The following RBMS3 variants were observed in gnomAD, a reference collection of about 807,000 sequenced individuals.
The protein encoded by RBMS3 is RNA-binding motif, single-stranded-interacting protein 3.
A neutral mutation model predicts 66.8 loss-of-function variants in RBMS3; 27 were observed. That is an observed-to-expected ratio of 0.40 (90% CI 0.30 to 0.56). RBMS3 has a LOEUF of 0.56. RBMS3 is among the 20% of genes least tolerant of loss of function. The pLI is 0.40. For synonymous variants in RBMS3, 188 were observed against 183.0 expected, an observed-to-expected ratio of 1.03 and a Z score of -0.22; for missense variants, 513 against 549.5, an observed-to-expected ratio of 0.93 and a Z score of 0.66.
At chr3:29,383,175 G>A (rs1208496026) in intron 1 of RBMS3, among the ~76,000 whole-genome samples, 1 of 152,132 alleles carries the variant, frequency 6.6e-6, no homozygotes, top group African/African-American at 2.4e-5. Context: ...ATACTGGGAA[G>A]GTGATCTTTT....
chr3:29,802,132 C>G (rs1475287938), intron 6 of RBMS3, among the ~76,000 whole-genome samples: 1 of 152,186 alleles, frequency 6.6e-6, no homozygotes, highest in Non-Finnish European at 1.5e-5. Flanking sequence ...ACCTGTAACA[C>G]TCTTGCTCTA....
chr3:29,682,745 C>G (rs986053186), intron 4 of RBMS3, among the ~76,000 whole-genome samples: 1 of 152,130 alleles, frequency 6.6e-6, no homozygotes, highest in Admixed American at 6.5e-5. Context: ...ATTAAAACAG[C>G]TAATGTTTCT....
chr3:29,567,443 G>A (rs995015401), intron 3 of RBMS3, among the ~76,000 whole-genome samples: 1 of 152,094 alleles, frequency 6.6e-6, no homozygotes, highest in East Asian at 1.9e-4. Flanking sequence ...TGCTTGTGAT[G>A]GTTTCTGTGT....
intron 5 of RBMS3, among the ~76,000 whole-genome samples, chr3:29,754,616 A>C (rs1157381955): frequency 2.6e-5 from 4 of 152,180 alleles, no homozygotes; most frequent in African/African-American, 9.6e-5. Context: ...CTGAGTCACC[A>C]AAATGTCAAC....
intron 4 of RBMS3, among the ~76,000 whole-genome samples, chr3:29,590,031 A>C (rs539306330): frequency 1.3e-5 from 2 of 152,198 alleles, no homozygotes; most frequent in East Asian, 3.9e-4. Context: ...ATGAATTACC[A>C]TTAACGGAGA....
chr3:29,483,255 G>A (rs1049649865), intron 2 of RBMS3, among the ~76,000 whole-genome samples: 3 of 146,234 alleles, frequency 2.1e-5, no homozygotes, highest in Non-Finnish European at 4.5e-5. Flanking sequence ...CTTGCAGTGA[G>A]CCGAGATCGC....
intron 6 of RBMS3, among the ~76,000 whole-genome samples, chr3:29,841,818 T>A (rs1451035332): frequency 1.3e-5 from 2 of 152,070 alleles, no homozygotes; most frequent in African/African-American, 2.4e-5. Context: ...TTATAATAAT[T>A]CCTGAAATTG....
At chr3:29,375,323 A>G (rs982794885) in intron 1 of RBMS3, among the ~76,000 whole-genome samples, 1 of 152,190 alleles carries the variant, frequency 6.6e-6, no homozygotes, top group Non-Finnish European at 1.5e-5. Context: ...TGAAGACACC[A>G]AAAGCAATTG....
At chr3:29,391,105 G>A (rs1021214251) in intron 1 of RBMS3, 5 of 231,286 alleles carry the variant, frequency 2.2e-5, no homozygotes, top group South Asian at 1.0e-4. Context: ...ACTAGGAATC[G>A]ATAGTGGCAG....
At chr3:29,971,982 G>A (rs187407252) in intron 12 of RBMS3, among the ~76,000 whole-genome samples, 1 of 152,216 alleles carries the variant, frequency 6.6e-6, no homozygotes, top group African/African-American at 2.4e-5. Context: ...TTTTGGAATA[G>A]CCAAACATAA....
At chr3:29,675,388 A>G (rs541807676) in intron 4 of RBMS3, among the ~76,000 whole-genome samples, 1 of 152,280 alleles carries the variant, frequency 6.6e-6, no homozygotes, top group African/African-American at 2.4e-5. Context: ...TGTCTAAAAC[A>G]CCAAAAGCAA....
At chr3:29,886,624 TA>T (rs1267590987) in intron 8 of RBMS3, among the ~76,000 whole-genome samples, 2 of 151,892 alleles carry the variant, frequency 1.3e-5, no homozygotes, top group Non-Finnish European at 2.9e-5. Flanking sequence ...AGGAATTTTA[TA>T]AGTTTAAAAA....
At chr3:29,948,782 C>T (rs1695490239) in intron 12 of RBMS3, among the ~76,000 whole-genome samples, 1 of 151,600 alleles carries the variant, frequency 6.6e-6, no homozygotes, top group Non-Finnish European at 1.5e-5. Context: ...GTAATAAGTT[C>T]TTAGAGACTT....
intron 14 of RBMS3, among the ~76,000 whole-genome samples, chr3:29,992,416 C>T (rs1269594629): frequency 6.6e-6 from 1 of 151,984 alleles, no homozygotes; most frequent in African/African-American, 2.4e-5. Flanking sequence ...GAAACCCCGT[C>T]TCTACTAAAA....
intron 1 of RBMS3, among the ~76,000 whole-genome samples, chr3:29,357,411 G>C (rs2125571976): frequency 6.6e-6 from 1 of 152,246 alleles, no homozygotes; most frequent in African/African-American, 2.4e-5. Flanking sequence ...GTATTCCATG[G>C]TGTATATGTG....
At chr3:29,816,300 A>G (rs1026848908) in intron 6 of RBMS3, among the ~76,000 whole-genome samples, 1 of 89,294 alleles carries the variant, frequency 1.1e-5, no homozygotes. Context: ...AGACACACAC[A>G]GACACACACA....
intron 4 of RBMS3, among the ~76,000 whole-genome samples, chr3:29,662,896 T>C (rs147798204): frequency 6.8e-4 from 104 of 152,338 alleles, no homozygotes; most frequent in African/African-American, 2.4e-3. Context: ...TCTAAGAGTA[T>C]CTTTAGCTGT....
intron 6 of RBMS3, among the ~76,000 whole-genome samples, chr3:29,865,018 G>C: frequency 7.7e-6 from 1 of 129,834 alleles, no homozygotes; most frequent in African/African-American, 2.9e-5. Flanking sequence ...GAAGGGGAAG[G>C]GGAAGGAGAA....
chr3:29,319,909 C>A (rs893360362), intron 1 of RBMS3, among the ~76,000 whole-genome samples: 2 of 151,626 alleles, frequency 1.3e-5, no homozygotes, highest in African/African-American at 4.9e-5. Context: ...CCTTCTTGAA[C>A]TTTCTGTGCT....
Sources: gnomAD v4.1 joint callset for allele counts (sites outside exome capture counted in the v4.1 genomes callset) on GRCh38, gnomAD v4.1.1 for gene constraint, MANE v1.5 for transcripts, NCBI Gene and HGNC (gene_info 2026-07-23, HGNC 2026-07-21) for gene names.